The following CDC42BPA variants were observed in gnomAD, a reference collection of about 807,000 sequenced individuals.
CDC42BPA encodes serine/threonine-protein kinase MRCK alpha.
CDC42BPA carries 80 observed loss-of-function variants against 223.5 expected under a neutral mutation model. That is an observed-to-expected ratio of 0.36 (90% CI 0.30 to 0.43). The LOEUF is 0.43. CDC42BPA is among the 20% of genes least tolerant of loss of function. The pLI, the probability that CDC42BPA is intolerant of heterozygous loss-of-function variation, is 1.00. For synonymous variants in CDC42BPA, 694 were observed against 718.6 expected, an observed-to-expected ratio of 0.97 and a Z score of 0.55; for missense variants, 1,743 against 2,099.9, an observed-to-expected ratio of 0.83 and a Z score of 3.32.
intron 1 of CDC42BPA, among the ~76,000 whole-genome samples, chr1:227,256,869 C>T (rs1473102401): frequency 6.6e-6 from 1 of 151,266 alleles, no homozygotes; most frequent in Non-Finnish European, 1.5e-5. Flanking sequence ...CAGCATTATT[C>T]GCAGTAGCCA....
intron 1 of CDC42BPA, among the ~76,000 whole-genome samples, chr1:227,316,661 A>G (rs918129842): frequency 6.6e-6 from 1 of 152,228 alleles, no homozygotes; most frequent in African/African-American, 2.4e-5. Context: ...TTTCAAATGA[A>G]GGACTATTAT....
At chr1:227,015,196 G>A (rs569162641) in intron 34 of CDC42BPA, among the ~76,000 whole-genome samples, 1 of 152,146 alleles carries the variant, frequency 6.6e-6, no homozygotes, top group Non-Finnish European at 1.5e-5. Flanking sequence ...AGAGGCCAAG[G>A]TGGGTGGACC....
intron 6 of CDC42BPA, among the ~76,000 whole-genome samples, chr1:227,156,864 G>C (rs1252036897): frequency 6.6e-6 from 1 of 152,082 alleles, no homozygotes; most frequent in African/African-American, 2.4e-5. Context: ...ATCCTCTCTG[G>C]AATGGTGGCC....
intron 21 of CDC42BPA, among the ~76,000 whole-genome samples, chr1:227,053,439 G>A (rs1380811201): frequency 1.3e-5 from 2 of 152,102 alleles, no homozygotes; most frequent in African/African-American, 4.8e-5. Flanking sequence ...AGGGGTCTTG[G>A]AGCAGCAACC....
At chr1:227,156,194 A>C (rs1662737637) in intron 6 of CDC42BPA, among the ~76,000 whole-genome samples, 1 of 151,704 alleles carries the variant, frequency 6.6e-6, no homozygotes, top group South Asian at 2.1e-4. Flanking sequence ...GCTGCCACCC[A>C]GGCTAGAATG....
intron 15 of CDC42BPA, among the ~76,000 whole-genome samples, chr1:227,100,078 CAT>C (rs1340894801): frequency 6.6e-6 from 1 of 152,076 alleles, no homozygotes; most frequent in Non-Finnish European, 1.5e-5. Flanking sequence ...ATGACAATAA[CAT>C]ATATTCAGTT....
chr1:227,139,603 T>C lies in CDC42BPA; in HGVS notation c.1363A>G (p.Lys455Glu). 6.2e-7 allele frequency: 1 copy of C among 1,600,228 alleles called. No homozygotes were observed. The highest frequency in any genetic ancestry group is 8.5e-7 in the Non-Finnish European group (1 of 1,175,484). ...TGAAGTTTTCTACTGAGTTCAAGTT[T>C]TTCTTGCTCAAGGCGCTTAATTCTT... ...ERRIKRLEQE[K>E]LELSRKLQES... The change falls in exon 10 of 37, where the codon AAA becomes GAA. Residue 455 changes from lysine (K) to glutamate (E), a missense_variant. Transcript: ENST00000366766.
intron 3 of CDC42BPA, among the ~76,000 whole-genome samples, chr1:227,212,847 T>C (rs938256): frequency 0.098 from 14,912 of 152,196 alleles, 1,177 homozygotes; most frequent in East Asian, 0.36. Flanking sequence ...CATTACAAAA[T>C]GTCTTTCTAT....
chr1:227,244,841 G>A (rs1680634801), intron 2 of CDC42BPA, among the ~76,000 whole-genome samples: 1 of 152,236 alleles, frequency 6.6e-6, no homozygotes, highest in South Asian at 2.1e-4. Context: ...CCCTGGCAAT[G>A]GCCATGAGGT....
chr1:227,062,823 T>C (rs948915378), intron 21 of CDC42BPA, among the ~76,000 whole-genome samples: 1 of 147,766 alleles, frequency 6.8e-6, no homozygotes, highest in Non-Finnish European at 1.5e-5. Flanking sequence ...TGCTAAAATG[T>C]TTAACATAAA....
At chr1:227,070,763 T>C (rs922532611) in intron 20 of CDC42BPA, among the ~76,000 whole-genome samples, 6 of 151,910 alleles carry the variant, frequency 3.9e-5, no homozygotes, top group Non-Finnish European at 8.9e-5. Context: ...GTATACATTA[T>C]GTTATACAAT....
intron 9 of CDC42BPA, among the ~76,000 whole-genome samples, chr1:227,141,103 C>T (rs1287400159): frequency 1.3e-5 from 2 of 152,094 alleles, no homozygotes; most frequent in East Asian, 3.9e-4. Flanking sequence ...ATAAGTAAGA[C>T]TAGGACTGAC....
chr1:227,049,924 G>A (rs1019492413), intron 22 of CDC42BPA, among the ~76,000 whole-genome samples: 1 of 150,440 alleles, frequency 6.6e-6, no homozygotes. Flanking sequence ...AGAAAATATA[G>A]AAGAAAATCT....
intron 1 of CDC42BPA, among the ~76,000 whole-genome samples, chr1:227,309,312 C>G (rs927894366): frequency 1.3e-5 from 2 of 152,018 alleles, no homozygotes; most frequent in South Asian, 4.2e-4. Flanking sequence ...ATCTGGCCTC[C>G]CAAAAACTCT....
chr1:227,112,284 G>A (rs370444190), intron 14 of CDC42BPA, 28 bp downstream of exon 14: 3 of 1,315,844 alleles, frequency 2.3e-6, no homozygotes, highest in African/African-American at 1.5e-5. Context: ...AATCAATTAA[G>A]CTTCATAAAT....
At chr1:227,294,583 G>T (rs374833343) in intron 1 of CDC42BPA, among the ~76,000 whole-genome samples, 1 of 73,042 alleles carries the variant, frequency 1.4e-5, no homozygotes, top group African/African-American at 5.6e-5. Flanking sequence ...TTAATTGGCC[G>T]GGCGCGGTGG....
intron 1 of CDC42BPA, among the ~76,000 whole-genome samples, chr1:227,294,859 CAAAAAA>C (rs397983087): frequency 3.1e-4 from 4 of 12,818 alleles, no homozygotes; most frequent in South Asian, 4.7e-3. Context: ...GACTCCGTCT[CAAAAAA>C]AAAAAAAAAA....
At chr1:227,184,844 A>G (rs1221757972) in intron 5 of CDC42BPA, among the ~76,000 whole-genome samples, 1 of 152,188 alleles carries the variant, frequency 6.6e-6, no homozygotes, top group Non-Finnish European at 1.5e-5. Flanking sequence ...AAGCATTTCA[A>G]ATCTACTAGC....
chr1:227,124,027 T>C (rs11808055), intron 11 of CDC42BPA, among the ~76,000 whole-genome samples: 4,127 of 152,174 alleles, frequency 0.027, 169 homozygotes, highest in African/African-American at 0.091. Context: ...AAATATTAAA[T>C]GAGGTATGAA....
Sources: allele counts gnomAD v4.1 joint callset (sites outside exome capture counted in the v4.1 genomes callset), GRCh38; gene constraint gnomAD v4.1.1; transcripts MANE v1.5; gene names NCBI Gene and HGNC (gene_info 2026-07-23, HGNC 2026-07-21).